The following GRM5 variants were observed in gnomAD, a reference collection of about 807,000 sequenced individuals.
GRM5 encodes the protein metabotropic glutamate receptor 5.
In GRM5, 19 loss-of-function variants were observed where a neutral mutation model predicts 83.1. The observed-to-expected ratio is 0.23, with a 90% CI of 0.16 to 0.34. The LOEUF is 0.34. GRM5 is among the 10% of genes least tolerant of loss of function. GRM5 has a pLI of 1.00. For synonymous variants in GRM5, 675 were observed against 633.6 expected (o/e 1.07, Z -0.98); for missense variants, 1,160 against 1,588.3 (o/e 0.73, Z 4.58).
intron 2 of GRM5, among the ~76,000 whole-genome samples, chr11:88,955,549 C>T (rs1170454934): frequency 6.6e-6 from 1 of 152,196 alleles, no homozygotes; most frequent in African/African-American, 2.4e-5. Flanking sequence ...TATTTCTCCA[C>T]TCTCAACTTC....
intron 9 of GRM5, among the ~76,000 whole-genome samples, chr11:88,518,202 GTAGT>G (rs1219408292): frequency 1.3e-5 from 2 of 151,896 alleles, no homozygotes; most frequent in South Asian, 2.1e-4. Context: ...TATACTCTGA[GTAGT>G]TAGTAATTCT....
At chr11:88,522,569 T>C (rs1941724653) in intron 9 of GRM5, among the ~76,000 whole-genome samples, 1 of 138,892 alleles carries the variant, frequency 7.2e-6, no homozygotes, top group Non-Finnish European at 1.6e-5. Flanking sequence ...CAGGTCTCTC[T>C]TCTCTCTCTC....
intron 2 of GRM5, among the ~76,000 whole-genome samples, chr11:88,903,299 AT>A (rs1565285135): frequency 6.6e-6 from 1 of 152,180 alleles, no homozygotes; most frequent in Non-Finnish European, 1.5e-5. Context: ...AGTGTGACAC[AT>A]TTTTAAACTA....
At chr11:88,651,018 G>A (rs1018373031) in intron 4 of GRM5, among the ~76,000 whole-genome samples, 10 of 151,986 alleles carry the variant, frequency 6.6e-5, no homozygotes, top group Admixed American at 6.6e-4. Context: ...ATTCCAAGGG[G>A]GGGGATGGAC....
chr11:89,053,830 C>T (rs569059443), intron 1 of GRM5, among the ~76,000 whole-genome samples: 1 of 152,154 alleles, frequency 6.6e-6, no homozygotes, highest in Admixed American at 6.5e-5. Context: ...TCATGCAGAT[C>T]TCTAGAGAAA....
intron 3 of GRM5, among the ~76,000 whole-genome samples, chr11:88,724,182 T>C (rs923199739): frequency 7.2e-5 from 11 of 152,206 alleles, no homozygotes; most frequent in Non-Finnish European, 5.9e-5. Flanking sequence ...TGCCTTCTCA[T>C]TCCACATGAG....
chr11:89,048,109 A>G (rs1038523894), intron 1 of GRM5, 37 bp from the exon 2 acceptor site: 52 of 474,660 alleles, frequency 1.1e-4, no homozygotes, highest in Non-Finnish European at 1.8e-4. Context: ...TTTAACAAAC[A>G]TAAATGCAAC....
intron 3 of GRM5, among the ~76,000 whole-genome samples, chr11:88,831,664 C>G (rs1943996894): frequency 6.6e-6 from 1 of 152,156 alleles, no homozygotes; most frequent in Non-Finnish European, 1.5e-5. Flanking sequence ...GATGAGCCCA[C>G]CCAAATTGCC....
rs796854617 is a variant in GRM5, at chr11:88,681,565, C to CTTTTT, written c.912-28167_912-28163dup. On this transcript the variant is annotated intron_variant, in intron 3 of 9. Transcript: ENST00000305447. Reference sequence around the variant, plus strand: ...ATAAACTCAAGAGGTTGAGTTCTTCCTTTTTTTTTTTTTTTTTTTTTTTTG... The same window carrying CTTTTT: ...ATAAACTCAAGAGGTTGAGTTCTTCCTTTTTTTTTTTTTTTTTTTTTTTTTTTTTG... Among the ~76,000 whole-genome samples the CTTTTT allele has an allele frequency of 3.9e-3, 99 of 25,406 alleles. 23 individuals carry two copies. The highest frequency in any genetic ancestry group is 0.011 in the East Asian group (6 of 550). 16.7% of individuals were successfully genotyped at this position (25,406 alleles called of 152,430 possible).
chr11:88,644,296 G>A (rs1442125120), intron 4 of GRM5, among the ~76,000 whole-genome samples: 1 of 152,078 alleles, frequency 6.6e-6, no homozygotes, highest in Non-Finnish European at 1.5e-5. Context: ...CCACAAATTG[G>A]GGACTGCGGT....
At chr11:88,819,744 TAAG>T (rs1266171631) in intron 3 of GRM5, among the ~76,000 whole-genome samples, 1 of 152,188 alleles carries the variant, frequency 6.6e-6, no homozygotes, top group African/African-American at 2.4e-5. Context: ...GGTGGTTTAA[TAAG>T]AACACAGATT....
intron 3 of GRM5, among the ~76,000 whole-genome samples, chr11:88,720,815 T>C (rs567146073): frequency 2.9e-5 from 4 of 136,444 alleles, no homozygotes; most frequent in East Asian, 4.5e-4. Flanking sequence ...TGTGTGTGTG[T>C]GTGTGCGTGT....
chr11:88,537,747 C>A (rs1235027999), intron 8 of GRM5, among the ~76,000 whole-genome samples: 1 of 151,944 alleles, frequency 6.6e-6, no homozygotes, highest in Non-Finnish European at 1.5e-5. Context: ...GGTCTCCGTG[C>A]GCAGAAAAAC....
intron 4 of GRM5, 113 bp from the exon 5 acceptor site, chr11:88,605,077 T>A (rs1035728104): frequency 2.5e-6 from 2 of 792,172 alleles, no homozygotes; most frequent in Non-Finnish European, 4.2e-6. Flanking sequence ...AGCAATTTTA[T>A]CAGAGTTAGA....
chr11:88,632,247 CTTTTTTT>C (rs35797493), intron 4 of GRM5, among the ~76,000 whole-genome samples: 3 of 110,974 alleles, frequency 2.7e-5, no homozygotes, highest in African/African-American at 1.0e-4. Flanking sequence ...ACAGTATGTA[CTTTTTTT>C]TTTTTTTTTT....
intron 3 of GRM5, among the ~76,000 whole-genome samples, chr11:88,694,841 C>G (rs974768323): frequency 6.6e-6 from 1 of 152,110 alleles, no homozygotes; most frequent in Non-Finnish European, 1.5e-5. Context: ...CAGATTATTT[C>G]TCTTGTATAT....
chr11:88,872,905 TAA>T (rs1944793399), intron 2 of GRM5, among the ~76,000 whole-genome samples: 1 of 146,040 alleles, frequency 6.8e-6, no homozygotes, highest in Non-Finnish European at 1.5e-5. Context: ...TCAATCAAAA[TAA>T]AACAGAAAGG....
intron 3 of GRM5, among the ~76,000 whole-genome samples, chr11:88,824,979 T>A (rs1384316676): frequency 6.6e-6 from 1 of 152,216 alleles, no homozygotes; most frequent in Non-Finnish European, 1.5e-5. Context: ...TAAACATGTT[T>A]TAATTTTAGA....
intron 2 of GRM5, among the ~76,000 whole-genome samples, chr11:88,859,508 A>T (rs1944528135): frequency 6.6e-6 from 1 of 152,140 alleles, no homozygotes; most frequent in Non-Finnish European, 1.5e-5. Context: ...TGTTATTATT[A>T]AAACCAACCA....
Sources: allele counts gnomAD v4.1 joint callset (sites outside exome capture counted in the v4.1 genomes callset), GRCh38; gene constraint gnomAD v4.1.1; transcripts MANE v1.5; gene names NCBI Gene and HGNC (gene_info 2026-07-23, HGNC 2026-07-21).